Variants in NUP210L observed in about 807,000 individuals in gnomAD.
NUP210L encodes the protein nuclear pore membrane glycoprotein 210-like.
NUP210L carries 74 observed loss-of-function variants against 208.5 expected under a neutral mutation model. That is an observed-to-expected ratio of 0.35 (90% CI 0.29 to 0.43). The LOEUF is 0.43. NUP210L is among the 20% of genes least tolerant of loss of function. NUP210L has a pLI of 1.00. For missense variants in NUP210L, 1,843 were observed against 2,289.4 expected, an observed-to-expected ratio of 0.81 and a Z score of 3.98; for synonymous variants, 780 against 816.9, an observed-to-expected ratio of 0.95 and a Z score of 0.77.
chr1:154,130,165 C>T (rs900619033), intron 7 of NUP210L, among the ~76,000 whole-genome samples: 3 of 152,122 alleles, frequency 2.0e-5, no homozygotes, highest in Admixed American at 2.0e-4. Flanking sequence ...ATGGTGAAAC[C>T]CTGTCTTTAC....
chr1:154,102,333 A>T lies in NUP210L; in HGVS notation c.1819+1679T>A, dbSNP rs115280055. 8.2e-4 allele frequency among the ~76,000 whole-genome samples: 125 copies of T among 152,316 alleles called. 2 individuals are homozygous for T. Among genetic ancestry groups the T allele is most frequent in the African/African-American group, 3.0e-3 (123 of 41,572 alleles). ...ATTCCACTGACAATGAGAAGTCTCA[A>T]AATTTTTGAGCAGAAAAAGTAATAC... On this transcript the variant is annotated intron_variant, in intron 13 of 39. Transcript: ENST00000368559.
chr1:154,083,644 C>A (rs575699068), intron 16 of NUP210L, among the ~76,000 whole-genome samples: 19 of 152,188 alleles, frequency 1.2e-4, no homozygotes, highest in African/African-American at 4.1e-4. Context: ...GGGGAAAAAA[C>A]CCATACGTTT....
chr1:154,090,133 G>A (rs1401721389), intron 15 of NUP210L, among the ~76,000 whole-genome samples: 1 of 151,636 alleles, frequency 6.6e-6, no homozygotes, highest in Non-Finnish European at 1.5e-5. Flanking sequence ...AATCTCAGCT[G>A]CTTGGAAGTC....
chr1:154,134,941 T>G (rs1571315266), intron 7 of NUP210L, among the ~76,000 whole-genome samples: 1 of 151,672 alleles, frequency 6.6e-6, no homozygotes, highest in East Asian at 2.0e-4. Context: ...TTTCTTCATG[T>G]TGGTCAAGCT....
chr1:154,114,097 C>G (rs1056264523), intron 12 of NUP210L, among the ~76,000 whole-genome samples: 51 of 150,400 alleles, frequency 3.4e-4, no homozygotes, highest in Middle Eastern at 6.8e-3. Context: ...GAGCCAAGAT[C>G]GCACCACTGC....
At chr1:154,135,017 C>T (rs1454765025) in intron 7 of NUP210L, among the ~76,000 whole-genome samples, 2 of 152,070 alleles carry the variant, frequency 1.3e-5, no homozygotes, top group Non-Finnish European at 2.9e-5. Flanking sequence ...GGATTACATG[C>T]GTGAGCCACC....
intron 12 of NUP210L, among the ~76,000 whole-genome samples, chr1:154,110,193 C>T (rs1244545778): frequency 6.7e-6 from 1 of 149,790 alleles, no homozygotes; most frequent in East Asian, 2.0e-4. Flanking sequence ...CAAGATCACG[C>T]CACTGCACTC....
At chr1:154,141,432 T>C in exon 4 of NUP210L, 1 of 1,585,862 alleles carries the variant, frequency 6.3e-7, no homozygotes, top group Non-Finnish European at 8.7e-7. Context: ...CAAGTTTACC[T>C]AATTTTGCTA....
At chr1:154,152,606 C>T (rs373097355) in intron 2 of NUP210L, 130 bp downstream of exon 2, 3 of 813,396 alleles carry the variant, frequency 3.7e-6, no homozygotes, top group African/African-American at 1.7e-5. Context: ...GCCACTGCAG[C>T]CAGCTAGGAA....
exon 28 of NUP210L, chr1:154,030,035 A>G (rs1652122064): frequency 1.3e-6 from 2 of 1,596,310 alleles, no homozygotes; most frequent in South Asian, 2.3e-5. Flanking sequence ...GTTATGCTCT[A>G]CTGGGAGCTG....
In NUP210L at chr1:154,058,119, A is replaced by G; in HGVS notation, c.3077T>C (p.Leu1026Pro). 5.6e-6 allele frequency: 9 copies of G among 1,614,162 alleles called. No individual in the cohort carries two copies. The South Asian group carries it at 6.6e-5, about 12-fold the overall frequency. Reference sequence around the variant, plus strand: ...GGTGACAATGGCAGAAGCCAACTGCAGTTTGAGTTCCATGTTTCTGAAGTA... The same window carrying G: ...GGTGACAATGGCAGAAGCCAACTGCGGTTTGAGTTCCATGTTTCTGAAGTA... The change falls in exon 22 of 40, where the codon CTG becomes CCG. Residue 1026 changes from leucine (L) to proline (P), a missense_variant. Physicochemically the swap from Leu to Pro is moderately conservative, Grantham distance 98. Transcript: ENST00000368559.
intron 37 of NUP210L, among the ~76,000 whole-genome samples, chr1:153,997,693 G>GAT (rs1649974237): frequency 8.5e-6 from 1 of 117,696 alleles, no homozygotes; most frequent in Non-Finnish European, 1.7e-5. Context: ...TACTGTATTT[G>GAT]TTTTTTTTTT....
chr1:154,124,714 C>G lies in NUP210L; in HGVS notation c.1326+1609G>C, dbSNP rs150091818. The stretch of plus-strand genomic sequence containing the variant: ...CACCTGTAATCTCAACATTTTGGGA[C>G]GCCAAGGCAGGAGGAACACTTGAGC... On this transcript the variant is annotated intron_variant, in intron 10 of 39. Coordinates refer to ENST00000368559, the Ensembl canonical transcript of NUP210L. Among the ~76,000 whole-genome samples, 401 of 152,098 alleles carry G rather than the reference C, an allele frequency of 2.6e-3. 2 individuals carry two copies. Among genetic ancestry groups the G allele is most frequent in the African/African-American group, 9.2e-3 (382 of 41,482 alleles).
exon 16 of NUP210L, chr1:154,089,430 G>T (rs1655789336): frequency 6.2e-7 from 1 of 1,613,916 alleles, no homozygotes; most frequent in Admixed American, 1.7e-5. Context: ...CCAGCCATTT[G>T]TTGTGCTGTG....
chr1:154,099,831 T>G (rs1162892682), intron 14 of NUP210L, among the ~76,000 whole-genome samples, 167 bp downstream of exon 14: 1 of 152,202 alleles, frequency 6.6e-6, no homozygotes, highest in Admixed American at 6.5e-5. Flanking sequence ...CCTGGAGACT[T>G]AGGTTTGAGG....
chr1:154,071,458 C>T (rs886630186), intron 16 of NUP210L, among the ~76,000 whole-genome samples: 8 of 150,770 alleles, frequency 5.3e-5, no homozygotes, highest in Admixed American at 4.0e-4. Context: ...ACCTTTCCCC[C>T]GAGTCCCCAA....
At chr1:154,024,989 G>A (rs1398783181) in intron 30 of NUP210L, among the ~76,000 whole-genome samples, 1 of 137,984 alleles carries the variant, frequency 7.2e-6, no homozygotes, top group Non-Finnish European at 1.5e-5. Flanking sequence ...GTGCAGTGGC[G>A]TGATCTTGGC....
rs1380704948 is a variant in NUP210L, at chr1:153,995,070, C to T, written c.5491+6G>A. 5 of 1,556,166 alleles carry T rather than the reference C, an allele frequency of 3.2e-6. No homozygotes were observed. Among genetic ancestry groups the T allele is most frequent in the African/African-American group, 1.4e-5 (1 of 72,902 alleles). On this transcript the variant is annotated splice_donor_region_variant and intron_variant, in intron 38 of 39. Coordinates refer to ENST00000368559, the Ensembl canonical transcript of NUP210L. Reference sequence around the variant, plus strand: ...AAGTCTATGTTATTGAATATAAGGACTCTACCTAGGAAGATGGAAGCTGTT... The same window carrying T: ...AAGTCTATGTTATTGAATATAAGGATTCTACCTAGGAAGATGGAAGCTGTT...
At position 153,992,942 on chromosome 1, in the gene NUP210L, GAA is replaced by G. The variant is rs770334504; in HGVS notation, c.5567-9_5567-8del. 2.9e-5 allele frequency: 46 copies of G among 1,610,116 alleles called. No individual in the cohort carries two copies. Among genetic ancestry groups the G allele is most frequent in the Non-Finnish European group, 3.7e-5 (44 of 1,178,420 alleles). The stretch of plus-strand genomic sequence containing the variant: ...CTTGTGGAGTTAAAAAAACCTAGAA[GAA>G]GAGGGAAAAGTTGAGTGAATTAAAC... On this transcript the variant is annotated splice_region_variant and splice_polypyrimidine_tract_variant and intron_variant, in intron 39 of 39. Coordinates refer to ENST00000368559, the Ensembl canonical transcript of NUP210L.
Sources: allele counts gnomAD v4.1 joint callset (sites outside exome capture counted in the v4.1 genomes callset), GRCh38; gene constraint gnomAD v4.1.1; transcripts MANE v1.5; gene names NCBI Gene and HGNC (gene_info 2026-07-23, HGNC 2026-07-21).